ZFC3H1: variants seen among roughly 807,000 people sequenced by gnomAD.
The protein encoded by ZFC3H1 is zinc finger C3H1 domain-containing protein.
A neutral mutation model predicts 243.7 loss-of-function variants in ZFC3H1; 71 were observed. The ratio of observed to expected loss-of-function variants is 0.29; its 90% CI spans 0.24 to 0.36. The LOEUF is 0.36. ZFC3H1 is among the 10% of genes least tolerant of loss of function. The pLI, the probability that ZFC3H1 is intolerant of heterozygous loss-of-function variation, is 1.00. For missense variants in ZFC3H1, 1,966 were observed against 2,317.1 expected (o/e 0.85, Z 3.11); for synonymous variants, 838 against 813.0 (o/e 1.03, Z -0.52).
At chr12:71,632,842 A>G (rs1424946244) in intron 14 of ZFC3H1, 44 bp downstream of exon 14, 4 of 1,596,960 alleles carry the variant, frequency 2.5e-6, no homozygotes, top group Non-Finnish European at 3.4e-6. Flanking sequence ...TATCATAAAA[A>G]CTTTCTGCTT....
intron 30 of ZFC3H1, among the ~76,000 whole-genome samples, chr12:71,613,997 T>A (rs533286746): frequency 6.6e-6 from 1 of 152,302 alleles, no homozygotes; most frequent in African/African-American, 2.4e-5. Context: ...AAAATTTTTT[T>A]AAAAGATAAT....
At position 71,636,560 on chromosome 12, in the gene ZFC3H1, G is replaced by C; in HGVS notation, c.2030C>G (p.Thr677Arg). ...ATTCTGTATCCTAGGCTGAGACACT[G>C]TGTTAATACTGACTATTGATAGATT... ...RSNLSIVSIN[T>R]VSQPRIQNPK... The change falls in exon 9 of 35, where the codon ACA becomes AGA. Residue 677 changes from threonine to arginine, a missense_variant. Thr to Arg is a moderately conservative substitution (Grantham distance 71). This residue lies in a region of ZFC3H1 where 1,383 missense variants were observed against 1,723.7 expected (regional missense o/e 0.80). Transcript: ENST00000378743. 1 of 1,613,930 alleles carries C rather than the reference G, an allele frequency of 6.2e-7. No individual in the cohort carries two copies. The highest frequency in any genetic ancestry group is 2.2e-5 in the East Asian group (1 of 44,850).
In ZFC3H1 at chr12:71,645,069, C is replaced by T; in HGVS notation, c.1087G>A (p.Gly363Ser). Residue 363 changes from glycine (G) to serine (S), a missense_variant, in exon 4 of 35, where the codon GGT becomes AGT. Gly to Ser is a moderately conservative substitution (Grantham distance 56). This residue lies in a region of ZFC3H1 where 484 missense variants were observed against 449.7 expected (regional missense o/e 1.08). Transcript: ENST00000378743. Reference protein sequence around the residue: ...TSDILSEKKLGEDEEELSELQ... With the variant: ...TSDILSEKKLSEDEEELSELQ... ...TCAGATAGTTCCTCTTCATCTTCACCAAGTTTCTTTAAAGCAAAAAGAAAG... is the reference window on the plus strand; with the variant it reads ...TCAGATAGTTCCTCTTCATCTTCACTAAGTTTCTTTAAAGCAAAAAGAAAG... 1.3e-6 allele frequency: 2 copies of T among 1,595,132 alleles called. No individual in the cohort carries two copies. Among genetic ancestry groups the T allele is most frequent in the Non-Finnish European group, 1.7e-6 (2 of 1,175,312 alleles).
chr12:71,654,521 T>C (rs2137560434), intron 2 of ZFC3H1, among the ~76,000 whole-genome samples: 1 of 152,250 alleles, frequency 6.6e-6, no homozygotes, highest in South Asian at 2.1e-4. Context: ...AAGTGCTAAA[T>C]ATATAGGCAA....
chr12:71,628,346 AAC>A (rs1053941451), intron 20 of ZFC3H1, among the ~76,000 whole-genome samples: 3 of 152,264 alleles, frequency 2.0e-5, no homozygotes, highest in African/African-American at 4.8e-5. Flanking sequence ...AAACTAGAAA[AAC>A]AGTGTTACGT....
At position 71,632,467 on chromosome 12, in the gene ZFC3H1, T is replaced by G. The variant is rs747218079; in HGVS notation, c.2865A>C (p.Arg955Ser). 20 of 1,598,326 alleles carry G rather than the reference T, an allele frequency of 1.3e-5. No homozygotes were observed. The highest frequency in any genetic ancestry group is 1.6e-5 in the Non-Finnish European group (19 of 1,178,162). Residue 955 changes from arginine (R) to serine (S), a missense_variant, in exon 15 of 35, where the codon AGA becomes AGC. Physicochemically the swap from Arg to Ser is moderately radical, Grantham distance 110 (BLOSUM62 -1). Around this residue, in one of 4 missense-constraint regions of ZFC3H1, gnomAD observed 1,383 missense variants for 1,723.7 expected, o/e 0.80. Transcript: ENST00000378743. The part of the protein sequence containing the change: ...RLDSSPVSSP[R>S]KHSAELIAME... ...TAGCAATTAGTTCTGCTGAATGCTT[T>G]CTTGGACTTGATACTGGAGAACTGT...
chr12:71,657,266 T>G lies in ZFC3H1; in HGVS notation c.634A>C (p.Asn212His). ...SFGRSPSRKQ[N>H]YSSKNENCVE... is the part of the protein sequence containing the mutation. ...CAGTTTTCATTTTTTGATGAATAAT[T>G]TTGTTTTCTTGATGGAGACCTTCCA... Residue 212 changes from asparagine (N) to histidine (H), a missense_variant, in exon 2 of 35, where the codon AAT becomes CAT. Transcript: ENST00000378743. 1 of 1,577,896 alleles carries G rather than the reference T, an allele frequency of 6.3e-7. No homozygotes were observed. The highest frequency in any genetic ancestry group is 1.4e-5 in the African/African-American group (1 of 73,418).
chr12:71,643,140 T>G (rs1030426723), intron 5 of ZFC3H1, among the ~76,000 whole-genome samples: 2 of 152,112 alleles, frequency 1.3e-5, no homozygotes, highest in Non-Finnish European at 2.9e-5. Context: ...AATGTGCAAA[T>G]AATACCATAT....
chr12:71,621,277 A>G (rs1298610301), intron 24 of ZFC3H1, among the ~76,000 whole-genome samples: 2 of 151,822 alleles, frequency 1.3e-5, no homozygotes, highest in Non-Finnish European at 2.9e-5. Flanking sequence ...TTATGTATTG[A>G]TAATTGTCCA....
chr12:71,642,755 T>C (rs116576431), intron 5 of ZFC3H1, among the ~76,000 whole-genome samples, 196 bp from the exon 6 acceptor site: 4,973 of 152,250 alleles, frequency 0.033, 284 homozygotes, highest in African/African-American at 0.11. Flanking sequence ...TATAATCAGA[T>C]AGAAAATGGA....
At chr12:71,650,668 T>A (rs1004745796) in intron 2 of ZFC3H1, among the ~76,000 whole-genome samples, 2 of 152,222 alleles carry the variant, frequency 1.3e-5, no homozygotes, top group Non-Finnish European at 2.9e-5. Context: ...CAGAAAGTTA[T>A]TTTTAAAATC....
chr12:71,650,867 G>C (rs1880866919), intron 2 of ZFC3H1, among the ~76,000 whole-genome samples: 1 of 152,092 alleles, frequency 6.6e-6, no homozygotes, highest in South Asian at 2.1e-4. Context: ...AAAAAACAAA[G>C]TTCTTACAAG....
intron 19 of ZFC3H1, 69 bp from the exon 20 acceptor site, chr12:71,629,106 C>A: frequency 8.9e-6 from 11 of 1,242,800 alleles, no homozygotes; most frequent in Admixed American, 2.6e-5. Context: ...GAAGGATACT[C>A]AAATAATATT....
chr12:71,648,454 C>G lies in ZFC3H1; in HGVS notation c.1016-641G>C, dbSNP rs188725312. The stretch of plus-strand genomic sequence containing the variant: ...GATAAAGTTACAGAATATCTACAAT[C>G]CTGTTGAGATACTTTTGTAGCTAAA... On this transcript the variant is annotated intron_variant, in intron 2 of 34. Coordinates refer to ENST00000378743, the MANE Select transcript of ZFC3H1 (RefSeq NM_144982.5). Among the ~76,000 whole-genome samples, 92 of 152,274 alleles carry G rather than the reference C, an allele frequency of 6.0e-4. 1 individual carries two copies. Among genetic ancestry groups the G allele is most frequent in the African/African-American group, 2.0e-3 (85 of 41,568 alleles).
rs1880465859 is a variant in ZFC3H1 at position 71,636,513 on chromosome 12, G to A, written c.2077C>T (p.Arg693Cys). The A allele has an allele frequency of 2.5e-6, 4 of 1,606,652 alleles. No individual in the cohort carries two copies. Among genetic ancestry groups the A allele is most frequent in the Non-Finnish European group, 3.4e-6 (4 of 1,177,188 alleles). ...IQNPKFHRGP[R>C]LPRTVISLPK... is the part of the protein sequence containing the mutation. The stretch of plus-strand genomic sequence containing the variant: ...ACCGAGATCACAGTTCGTGGAAGAC[G>A]GGGTCCTCTGTGAAACTTTGGATTC... Residue 693 changes from arginine to cysteine, a missense_variant, in exon 9 of 35, where the codon CGT becomes TGT. Transcript: ENST00000378743.
intron 2 of ZFC3H1, among the ~76,000 whole-genome samples, chr12:71,654,128 TA>T (rs35531704): frequency 6.6e-6 from 1 of 151,098 alleles, no homozygotes; most frequent in Non-Finnish European, 1.5e-5. Flanking sequence ...AACACATTTT[TA>T]AAAAAAAAGT....
intron 1 of ZFC3H1, 90 bp downstream of exon 1, chr12:71,662,923 T>C: frequency 7.6e-7 from 1 of 1,316,714 alleles, no homozygotes; most frequent in Non-Finnish European, 1.0e-6. Context: ...GTTCTGATGA[T>C]TCAAAGTTAC....
chr12:71,612,996 A>G (rs1879809235), intron 31 of ZFC3H1, among the ~76,000 whole-genome samples: 1 of 152,226 alleles, frequency 6.6e-6, no homozygotes, highest in Non-Finnish European at 1.5e-5. Context: ...ATATGAAAAC[A>G]TCTTAAATAA....
At chr12:71,639,575 G>C (rs1465739359) in intron 6 of ZFC3H1, 1 of 157,772 alleles carries the variant, frequency 6.3e-6, no homozygotes, top group African/African-American at 2.4e-5. Context: ...GATCTCCGAG[G>C]AAAGCCCTCC....
Sources: gnomAD v4.1 joint callset for allele counts (sites outside exome capture counted in the v4.1 genomes callset) on GRCh38, gnomAD v4.1.1 for gene constraint, gnomAD v4.1.1 regional missense constraint, MANE v1.5 for transcripts, NCBI Gene and HGNC (gene_info 2026-07-23, HGNC 2026-07-21) for gene names.